MAST3: variants seen among roughly 807,000 people sequenced by gnomAD.
The protein encoded by MAST3 is microtubule-associated serine/threonine-protein kinase 3.
MAST3 carries 43 observed loss-of-function variants against 127.0 expected under a neutral mutation model. The observed-to-expected ratio is 0.34, with a 90% CI of 0.27 to 0.44. The LOEUF is 0.44. MAST3 is among the 20% of genes least tolerant of loss of function. The pLI is 1.00. For synonymous variants in MAST3, 785 were observed against 809.2 expected (o/e 0.97, Z 0.51); for missense variants, 1,390 against 1,919.1 (o/e 0.72, Z 5.15).
rs573862090 is a variant in MAST3, at chr19:18,110,968, G to A, written c.161+227G>A. 2.0e-5 allele frequency among the ~76,000 whole-genome samples: 3 copies of A among 152,260 alleles called. No homozygotes were observed. In the South Asian group the frequency reaches 6.2e-4, roughly 32 times the overall value. ...GCATCTGACAGGTGGCCAAGGAAAG[G>A]GAAGAACTTAAGCTGTTGCCCAAGG... On this transcript the variant is annotated intron_variant, in intron 3 of 27. Transcript: ENST00000687212. This position sits in a 1 kb window ranked among gnomAD's most constrained non-coding sequence, Gnocchi z 4.3.
In MAST3 at chr19:18,145,977, C is replaced by A; in HGVS notation, c.3162+112C>A. 1.5e-6 allele frequency: 2 copies of A among 1,314,658 alleles called. No individual in the cohort carries two copies. The highest frequency in any genetic ancestry group is 2.0e-6 in the Non-Finnish European group (2 of 991,052). 81.4% of individuals were successfully genotyped at this position (1,314,658 alleles called of 1,614,324 possible). ...CACACAACCCCACATTCAATGTCAA[C>A]TCCAGGCCTGGCACATCCACTTCCT... On this transcript the variant is annotated intron_variant, in intron 25 of 27. Coordinates refer to ENST00000687212, the MANE Select transcript of MAST3 (RefSeq NM_001393504.1). This position sits in a 1 kb window ranked among gnomAD's most constrained non-coding sequence, Gnocchi z 5.9.
At chr19:18,133,197 G>C (rs2041511257) in intron 15 of MAST3, among the ~76,000 whole-genome samples, 1 of 152,098 alleles carries the variant, frequency 6.6e-6, no homozygotes, top group Non-Finnish European at 1.5e-5. Flanking sequence ...GTATACTTGG[G>C]CCTGTGCTCG....
At chr19:18,107,675 A>T in intron 2 of MAST3, 57 bp downstream of exon 2, 1 of 1,501,726 alleles carries the variant, frequency 6.7e-7, no homozygotes, top group Non-Finnish European at 9.2e-7. Flanking sequence ...GGAAGTGGAT[A>T]TTTCAGCAAC....
intron 25 of MAST3, among the ~76,000 whole-genome samples, 188 bp from the exon 26 acceptor site, chr19:18,146,690 CAGG>C (rs899827725): frequency 1.3e-5 from 2 of 152,076 alleles, no homozygotes; most frequent in Non-Finnish European, 2.9e-5. Flanking sequence ...AGGATCTTAG[CAGG>C]AGGGGTGGTG....
intron 3 of MAST3, among the ~76,000 whole-genome samples, chr19:18,113,934 G>T (rs1049192475): frequency 1.3e-5 from 2 of 152,168 alleles, no homozygotes; most frequent in Non-Finnish European, 2.9e-5. Flanking sequence ...CCATCTCCCC[G>T]TCGCTCACTT....
Position 18,123,588 on chromosome 19 carries a change from G to A in MAST3, c.566G>A (p.Arg189His), listed in dbSNP as rs962482167. The change falls in exon 8 of 28, where the codon CGT becomes CAT. Residue 189 changes from arginine (R) to histidine (H), a missense_variant. Around this residue, in one of 5 missense-constraint regions of MAST3, gnomAD observed 277 missense variants for 384.8 expected, o/e 0.72. Transcript: ENST00000687212. ...AGCTGTCTTCCTTTCAGCCCGGGCCGTGCAACGGGGACCTTCGACAATGAG... is the reference window on the plus strand; with the variant it reads ...AGCTGTCTTCCTTTCAGCCCGGGCCATGCAACGGGGACCTTCGACAATGAG... The part of the protein sequence containing the change: ...RPRSRSLSPG[R>H]ATGTFDNEIV... The A allele has an allele frequency of 9.5e-6, 15 of 1,583,152 alleles. No homozygotes were observed. Among genetic ancestry groups the A allele is most frequent in the East Asian group, 2.3e-5 (1 of 44,332 alleles).
In MAST3 at chr19:18,144,650, C is replaced by T; in HGVS notation, c.2769C>T (p.Pro923=). ...GSGGGSGGRV[P]KSASVSALSL... ...GTGGCGGCAGTGGGGGCCGCGTGCCCAAGTCAGCCTCTGTCTCTGCCCTGT... is the reference window on the plus strand; with the variant it reads ...GTGGCGGCAGTGGGGGCCGCGTGCCTAAGTCAGCCTCTGTCTCTGCCCTGT... The change falls in exon 23 of 28, where the codon CCC becomes CCT. Residue 923 remains proline, a synonymous_variant. Transcript: ENST00000687212. This position sits in a 1 kb window ranked among gnomAD's most constrained non-coding sequence, Gnocchi z 4.0. The T allele has an allele frequency of 6.2e-7, 1 of 1,610,824 alleles. No individual in the cohort carries two copies. The highest frequency in any genetic ancestry group is 1.7e-5 in the Admixed American group (1 of 60,020).
At chr19:18,147,996 C>A (rs574028807) in intron 27 of MAST3, among the ~76,000 whole-genome samples, 21 of 150,598 alleles carry the variant, frequency 1.4e-4, no homozygotes, top group African/African-American at 4.4e-4. Flanking sequence ...CTGTACAAAA[C>A]ATAAAAAAAT....
At chr19:18,127,212 T>A (rs1212667469) in intron 11 of MAST3, among the ~76,000 whole-genome samples, 1 of 151,864 alleles carries the variant, frequency 6.6e-6, no homozygotes, top group Non-Finnish European at 1.5e-5. Context: ...ATGGCACCAC[T>A]GCACTCCAGC....
At chr19:18,099,351 T>G in intron 1 of MAST3, among the ~76,000 whole-genome samples, 1 of 145,414 alleles carries the variant, frequency 6.9e-6, no homozygotes, top group African/African-American at 2.5e-5. Context: ...CGGGGCGGGA[T>G]TGGCGAGCAG....
intron 10 of MAST3, 100 bp from the exon 11 acceptor site, chr19:18,124,542 T>G (rs123202): frequency 0.94 from 1,369,674 of 1,461,014 alleles, 642,238 homozygotes; most frequent in East Asian, 0.96. Context: ...GGAGACCCAG[T>G]GGGTGAGCTG....
rs996732683 is a variant in MAST3, at chr19:18,124,656, G to T, written c.960G>T (p.Glu320Asp). Residue 320 changes from glutamate (E) to aspartate (D), a missense_variant, in exon 11 of 28, where the codon GAG becomes GAT. Glu to Asp is a conservative substitution (Grantham distance 45). Transcript: ENST00000687212. ...TGTGCCCCTAGGAGTTTGACCCTGA[G>T]GAATTTTACCACCTGCTGGAGGCGG... ...RLLECLEFDP[E>D]EFYHLLEAAE... The T allele has an allele frequency of 6.3e-7, 1 of 1,595,916 alleles. No individual in the cohort carries two copies.
chr19:18,124,435 C>A, intron 10 of MAST3, 69 bp downstream of exon 10: 1 of 1,451,262 alleles, frequency 6.9e-7, no homozygotes, highest in Non-Finnish European at 9.5e-7. Flanking sequence ...AACAGTCCTG[C>A]CAAGATACAG....
chr19:18,123,808 C>T (rs1038271059), intron 8 of MAST3, 131 bp from the exon 9 acceptor site: 13 of 1,054,524 alleles, frequency 1.2e-5, no homozygotes, highest in South Asian at 3.1e-5. Flanking sequence ...GTTCCTCCTG[C>T]ACCAGCCCTC....
chr19:18,109,090 G>T (rs949202847), intron 2 of MAST3, among the ~76,000 whole-genome samples: 1 of 152,194 alleles, frequency 6.6e-6, no homozygotes, highest in Non-Finnish European at 1.5e-5. Context: ...CAGCGGGGAA[G>T]TCTGGGGAGA....
chr19:18,131,109 G>A (rs1184204478), intron 14 of MAST3, among the ~76,000 whole-genome samples: 1 of 152,180 alleles, frequency 6.6e-6, no homozygotes, highest in Non-Finnish European at 1.5e-5. Context: ...CTGCCCTGTC[G>A]GGGAGAATCA....
rs775704646 is a variant in MAST3, at chr19:18,134,860, G to A, written c.1748G>A (p.Arg583His). ...PEYIAPEVIF[R>H]QGYGKPVDWW... ...TACATAGCCCCCGAGGTGATCTTCC[G>A]CCAGGGCTATGGGAAGCCAGTGGAC... Residue 583 changes from arginine (R) to histidine (H), a missense_variant, in exon 17 of 28, where the codon CGC (arginine) becomes CAC (histidine). This residue lies in a region of MAST3 where 191 missense variants were observed against 409.0 expected (regional missense o/e 0.47). Coordinates refer to ENST00000687212, the MANE Select transcript of MAST3 (RefSeq NM_001393504.1). The A allele has an allele frequency of 7.4e-6, 12 of 1,613,850 alleles. No individual in the cohort carries two copies. Among genetic ancestry groups the A allele is most frequent in the African/African-American group, 2.7e-5 (2 of 74,900 alleles).
intron 12 of MAST3, 92 bp from the exon 13 acceptor site, chr19:18,128,774 G>A (rs991758970): frequency 2.5e-5 from 25 of 984,524 alleles, no homozygotes; most frequent in Middle Eastern, 2.2e-4. Flanking sequence ...AGGTAGCATC[G>A]GGCACCAGGA....
chr19:18,108,091 G>T (rs1329101196), intron 2 of MAST3, among the ~76,000 whole-genome samples: 1 of 152,076 alleles, frequency 6.6e-6, no homozygotes, highest in Non-Finnish European at 1.5e-5. Flanking sequence ...AGAAGTTCAA[G>T]ATCAGCCTGG....
Sources: gnomAD v4.1 joint callset for allele counts (sites outside exome capture counted in the v4.1 genomes callset) on GRCh38, gnomAD v4.1.1 for gene constraint, gnomAD v4.1.1 regional missense constraint, Gnocchi (gnomAD v3.1) non-coding constraint, MANE v1.5 for transcripts, NCBI Gene and HGNC (gene_info 2026-07-23, HGNC 2026-07-21) for gene names.